Variants in ARAP1 observed in about 807,000 individuals in gnomAD.
The protein encoded by ARAP1 is arf-GAP with Rho-GAP domain, ANK repeat and PH domain-containing protein 1.
A neutral mutation model predicts 172.2 loss-of-function variants in ARAP1; 76 were observed. The ratio of observed to expected loss-of-function variants is 0.44; its 90% CI spans 0.37 to 0.53. The LOEUF (loss-of-function observed/expected upper bound fraction) is 0.53. Among genes scored for constraint, ARAP1 ranks in the 20% least tolerant of loss-of-function variants. The pLI is 0.00. For synonymous variants in ARAP1, 804 were observed against 803.3 expected, an observed-to-expected ratio of 1.00 and a Z score of -0.01; for missense variants, 1,686 against 1,977.5, an observed-to-expected ratio of 0.85 and a Z score of 2.80.
At position 72,709,925 on chromosome 11, in the gene ARAP1, C is replaced by T. The variant is rs762932490; in HGVS notation, c.1468G>A (p.Val490Met). The change falls in exon 11 of 35, where the codon GTG becomes ATG. Residue 490 changes from valine to methionine, a missense_variant. By Grantham distance (21) the Val-to-Met change is conservative. This residue lies in a region of ARAP1 where 688 missense variants were observed against 856.9 expected (regional missense o/e 0.80). Transcript: ENST00000393609. ...ITFIDMSVGN[V>M]KEVDRRSFDL... ...AAGCTGCGCCGGTCCACTTCCTTCA[C>T]GTTGCCCACGCTCATGTCGATGAAG... 3.1e-6 allele frequency: 5 copies of T among 1,614,086 alleles called. No individual in the cohort carries two copies. The highest frequency in any genetic ancestry group is 3.4e-6 in the Non-Finnish European group (4 of 1,180,012).
chr11:72,718,433 A>T (rs919295451), intron 3 of ARAP1, among the ~76,000 whole-genome samples: 2 of 151,794 alleles, frequency 1.3e-5, no homozygotes, highest in Non-Finnish European at 2.9e-5. Context: ...CCACGTCCTC[A>T]ATGGCGCCAC....
intron 1 of ARAP1, among the ~76,000 whole-genome samples, chr11:72,750,286 G>A (rs903608613): frequency 1.3e-5 from 2 of 152,156 alleles, no homozygotes; most frequent in Non-Finnish European, 2.9e-5. Context: ...CTGGACAGGC[G>A]GGCCTGGAGC....
rs1447892596 is a variant in ARAP1 at position 72,711,101 on chromosome 11, G to A, written c.1133C>T (p.Ser378Phe). The change falls in exon 9 of 35, where the codon TCC becomes TTC. Residue 378 changes from serine (S) to phenylalanine (F), a missense_variant. This residue lies in a region of ARAP1 where 688 missense variants were observed against 856.9 expected (regional missense o/e 0.80). Transcript: ENST00000393609. ...CTGGTCCCCGATGGCAGCCACGTGG[G>A]AGATGCAGGCCACAGAGATAAAGCG... ...SKRFISVACI[S>F]HVAAIGDQKF... The A allele has an allele frequency of 2.5e-6, 4 of 1,614,204 alleles. No individual in the cohort carries two copies. In the African/African-American group the frequency reaches 5.3e-5, roughly 22 times the overall value.
chr11:72,747,256 G>A (rs539602872), intron 1 of ARAP1, among the ~76,000 whole-genome samples: 1 of 152,180 alleles, frequency 6.6e-6, no homozygotes, highest in Non-Finnish European at 1.5e-5. Context: ...ATAAGGACAG[G>A]AGGGAGATTT....
intron 16 of ARAP1, among the ~76,000 whole-genome samples, chr11:72,701,241 T>C (rs1463083668): frequency 6.7e-6 from 1 of 148,656 alleles, no homozygotes; most frequent in Non-Finnish European, 1.5e-5. Flanking sequence ...AGAGAGGTAA[T>C]GGGGGTGGTG....
chr11:72,750,474 G>A (rs902158079), intron 1 of ARAP1, among the ~76,000 whole-genome samples: 5 of 151,488 alleles, frequency 3.3e-5, no homozygotes, highest in African/African-American at 1.2e-4. Flanking sequence ...ACTAGCCCCC[G>A]ATACTCTCAG....
Position 72,726,685 on chromosome 11 carries a change from C to T in ARAP1, c.444G>A (p.Arg148=). ...GTGGAACGCTCAGCTCTGCCAAATG[C>T]CGCTTAGCAGGCAGCGGGGGCAGCA... ...DPVLPPLPAK[R]HLAELSVPPV... The change falls in exon 3 of 35, where the codon CGG becomes CGA. Residue 148 remains arginine, a synonymous_variant. Coordinates refer to ENST00000393609, the MANE Select transcript of ARAP1 (RefSeq NM_001040118.3). This position sits in a 1 kb window ranked among gnomAD's most constrained non-coding sequence, Gnocchi z 6.5. The T allele has an allele frequency of 6.5e-7, 1 of 1,547,068 alleles. No homozygotes were observed. The highest frequency in any genetic ancestry group is 1.4e-5 in the African/African-American group (1 of 73,460).
At chr11:72,707,084 C>G in intron 12 of ARAP1, 91 bp downstream of exon 12, 2 of 1,353,632 alleles carry the variant, frequency 1.5e-6, no homozygotes, top group Non-Finnish European at 2.0e-6. Flanking sequence ...GCTGTCTCCG[C>G]TCCAGGCCCT....
intron 14 of ARAP1, 39 bp downstream of exon 14, chr11:72,704,113 G>A: frequency 1.2e-6 from 2 of 1,612,898 alleles, no homozygotes; most frequent in Non-Finnish European, 8.5e-7. Context: ...AGAAAGACGG[G>A]GGTGGTCCCA....
intron 1 of ARAP1, among the ~76,000 whole-genome samples, chr11:72,743,622 AGGAGTT>A (rs1454464511): frequency 6.6e-6 from 1 of 152,182 alleles, no homozygotes; most frequent in Non-Finnish European, 1.5e-5. Flanking sequence ...CTGGAGGTCT[AGGAGTT>A]GGAGATTGAC....
chr11:72,748,519 C>CAA (rs34380924), intron 1 of ARAP1, among the ~76,000 whole-genome samples: 27 of 139,254 alleles, frequency 1.9e-4, no homozygotes, highest in Middle Eastern at 3.7e-3. Flanking sequence ...GACTCCATCT[C>CAA]AAAAAAAAAA....
In ARAP1 at chr11:72,710,901, C is replaced by A; in HGVS notation, c.1213+120G>T. 1 of 1,548,290 alleles carries A rather than the reference C, an allele frequency of 6.5e-7. No individual in the cohort carries two copies. Among genetic ancestry groups the A allele is most frequent in the East Asian group, 2.3e-5 (1 of 44,342 alleles). On this transcript the variant is annotated intron_variant, in intron 9 of 34. Coordinates refer to ENST00000393609, the MANE Select transcript of ARAP1 (RefSeq NM_001040118.3). The surrounding 1 kb of genome is among the most constrained non-coding windows in gnomAD (Gnocchi z 4.3). ...CTGCCCACCTCACAAAGGCAGCATG[C>A]CTCCCCGGATGTGATGTGAGAGGGC... is the stretch of plus-strand genomic sequence containing the variant.
Position 72,710,246 on chromosome 11 carries a change from A to G in ARAP1, c.1416+139T>C. 9.2e-7 allele frequency: 1 copy of G among 1,090,836 alleles called. No individual in the cohort carries two copies. 67.6% of individuals were successfully genotyped at this position (1,090,836 alleles called of 1,614,324 possible). On this transcript the variant is annotated intron_variant, in intron 10 of 34. Coordinates refer to ENST00000393609, the MANE Select transcript of ARAP1 (RefSeq NM_001040118.3). The surrounding 1 kb of genome is among the most constrained non-coding windows in gnomAD (Gnocchi z 4.3). ...GGGGGAAGTGGTCAGAACTTGGGGG[A>G]GCGAGGACATATCCAGGCAAAGGGC...
intron 30 of ARAP1, among the ~76,000 whole-genome samples, 191 bp downstream of exon 30, chr11:72,692,562 C>T (rs2135494444): frequency 6.6e-6 from 1 of 152,298 alleles, no homozygotes; most frequent in South Asian, 2.1e-4. Flanking sequence ...GGGGAAAGGA[C>T]CCTGGGACAG....
At chr11:72,740,468 T>C (rs1351694676) in intron 1 of ARAP1, among the ~76,000 whole-genome samples, 3 of 152,158 alleles carry the variant, frequency 2.0e-5, no homozygotes, top group Non-Finnish European at 2.9e-5. Context: ...ACTTTTATAA[T>C]TAGAAAAAAA....
At chr11:72,722,312 C>A in intron 3 of ARAP1, 1 of 985,706 alleles carries the variant, frequency 1.0e-6, no homozygotes, top group Non-Finnish European at 1.2e-6. Flanking sequence ...CTCCTGCAGC[C>A]GTGGCCAACA....
At chr11:72,719,027 G>A (rs908007411) in intron 3 of ARAP1, among the ~76,000 whole-genome samples, 7 of 152,162 alleles carry the variant, frequency 4.6e-5, no homozygotes, top group African/African-American at 7.2e-5. Flanking sequence ...GGTAAGGCTC[G>A]TGATGATTCC....
Position 72,697,315 on chromosome 11 carries a change from G to A in ARAP1, c.2953+8C>T. The A allele has an allele frequency of 1.3e-6, 2 of 1,580,512 alleles. No homozygotes were observed. Among genetic ancestry groups the A allele is most frequent in the African/African-American group, 2.7e-5 (2 of 74,550 alleles). On this transcript the variant is annotated splice_region_variant and intron_variant, in intron 21 of 34. Coordinates refer to ENST00000393609, the MANE Select transcript of ARAP1 (RefSeq NM_001040118.3). ...GGGCGGGGCTGGCACCCTAGGGGCA[G>A]GGCTCACCGCACTGCGTGATGTAGT...
In ARAP1 at chr11:72,714,192, C is replaced by T. The variant is rs774539306; in HGVS notation, c.639G>A (p.Pro213=). The T allele has an allele frequency of 9.7e-5, 145 of 1,498,128 alleles. No individual in the cohort carries two copies. Among genetic ancestry groups the T allele is most frequent in the Non-Finnish European group, 1.2e-4 (131 of 1,128,600 alleles). 92.8% of individuals were successfully genotyped at this position (1,498,128 alleles called of 1,614,324 possible). Residue 213 remains proline, a synonymous_variant, in exon 4 of 35, where the codon CCG becomes CCA. Coordinates refer to ENST00000393609, the MANE Select transcript of ARAP1 (RefSeq NM_001040118.3). ...PQPPSPPPCP[P]EIPPKPVRLF... is the part of the protein sequence containing the mutation. ...GGCGTACCGGCTTTGGAGGTATCTC[C>T]GGGGGGCAGGGAGGTGGAGAGGGAG...
Sources: gnomAD v4.1 joint callset for allele counts (sites outside exome capture counted in the v4.1 genomes callset) on GRCh38, gnomAD v4.1.1 for gene constraint, gnomAD v4.1.1 regional missense constraint, Gnocchi (gnomAD v3.1) non-coding constraint, MANE v1.5 for transcripts, NCBI Gene and HGNC (gene_info 2026-07-23, HGNC 2026-07-21) for gene names.